The following KCNH1 variants were observed in gnomAD, a reference collection of about 807,000 sequenced individuals.
KCNH1 encodes the protein potassium voltage-gated channel subfamily H member 1.
KCNH1 carries 27 observed loss-of-function variants against 69.2 expected under a neutral mutation model. That is an observed-to-expected ratio of 0.39 (90% confidence interval 0.29 to 0.54). KCNH1 has a LOEUF of 0.54. KCNH1 is among the 20% of genes least tolerant of loss of function. The probability of loss-of-function intolerance (pLI) is 0.68; values close to 1 mark genes in which losing one functional copy is unlikely to be tolerated. For synonymous variants in KCNH1, 456 were observed against 487.7 expected (o/e 0.93, Z 0.86); for missense variants, 798 against 1,261.6 (o/e 0.63, Z 5.57).
At chr1:211,093,959 C>A (rs1691100989) in intron 3 of KCNH1, among the ~76,000 whole-genome samples, 1 of 152,212 alleles carries the variant, frequency 6.6e-6, no homozygotes, top group Non-Finnish European at 1.5e-5. Flanking sequence ...CTGTGACTTG[C>A]AGGTAACTCT....
chr1:210,771,912 C>G (rs1683760829), intron 10 of KCNH1, among the ~76,000 whole-genome samples: 1 of 152,208 alleles, frequency 6.6e-6, no homozygotes, highest in South Asian at 2.1e-4. Context: ...CCTCTTTCAT[C>G]CTTGTCTGTG....
chr1:210,726,263 G>C (rs547024650), intron 10 of KCNH1, among the ~76,000 whole-genome samples: 3 of 152,280 alleles, frequency 2.0e-5, no homozygotes, highest in South Asian at 4.1e-4. Flanking sequence ...GTTATTTGGT[G>C]ACTCGCTGAT....
chr1:211,059,891 A>G (rs532340153), intron 5 of KCNH1, among the ~76,000 whole-genome samples: 122 of 152,306 alleles, frequency 8.0e-4, no homozygotes, highest in African/African-American at 2.8e-3. Flanking sequence ...AGACCTAACA[A>G]ATGTTTACAA....
At chr1:210,920,847 AT>A (rs1477523832) in intron 6 of KCNH1, among the ~76,000 whole-genome samples, 2 of 152,188 alleles carry the variant, frequency 1.3e-5, no homozygotes, top group Non-Finnish European at 2.9e-5. Context: ...CTTAAATACA[AT>A]CAGTCAAGGA....
At chr1:210,926,170 G>A (rs143871549) in intron 6 of KCNH1, among the ~76,000 whole-genome samples, 1,622 of 152,268 alleles carry the variant, frequency 0.011, 34 homozygotes, top group African/African-American at 0.037. Flanking sequence ...TGAGGCAGGA[G>A]AATCACTTGA....
rs1681460169 is a variant in KCNH1, at chr1:210,688,685, C to CT, written c.2113-4548dup. Among the ~76,000 whole-genome samples the CT allele has an allele frequency of 3.9e-5, 6 of 152,318 alleles. No homozygotes were observed. In the South Asian group the frequency reaches 1.2e-3, roughly 32 times the overall value. On this transcript the variant is annotated intron_variant, in intron 10 of 10. Transcript: ENST00000271751. ...CCTGGCTGATTTTATTTTTTGAACT[C>CT]TTACATGAGCTCAGAGAGCTGACAT...
rs143517300 is a variant in KCNH1 at position 210,997,621 on chromosome 1, A to C, written c.1032+21162T>G. On this transcript the variant is annotated intron_variant, in intron 6 of 10. Coordinates refer to ENST00000271751, the MANE Select transcript of KCNH1 (RefSeq NM_172362.3). ...TTATCCAGGAGAACTTCCCCAATTTAGCACGACAGGCCAACATGCAGATTC... is the reference window on the plus strand; with the variant it reads ...TTATCCAGGAGAACTTCCCCAATTTCGCACGACAGGCCAACATGCAGATTC... Among the ~76,000 whole-genome samples the C allele has an allele frequency of 3.4e-3, 521 of 152,378 alleles. 3 individuals carry two copies. The highest frequency in any genetic ancestry group is 6.8e-3 in the Middle Eastern group (2 of 294).
In KCNH1 at chr1:210,738,121, T is replaced by A. The variant is rs778040286; in HGVS notation, c.2112+37227A>T. On this transcript the variant is annotated intron_variant, in intron 10 of 10. Coordinates refer to ENST00000271751, the MANE Select transcript of KCNH1 (RefSeq NM_172362.3). The stretch of plus-strand genomic sequence containing the variant: ...CTCTCATTCACTCCCCCCGCAACCA[T>A]ATTGGTCTCTTTGCTTCCCCTCAGA... Among the ~76,000 whole-genome samples, 406 of 152,240 alleles carry A rather than the reference T, an allele frequency of 2.7e-3. 8 individuals carry two copies. The highest frequency in any genetic ancestry group is 1.8e-3 in the Non-Finnish European group (122 of 68,018).
At position 210,847,773 on chromosome 1, in the gene KCNH1, T is replaced by C. The variant is rs183187958; in HGVS notation, c.1463-43607A>G. Among the ~76,000 whole-genome samples, 3 of 151,198 alleles carry C rather than the reference T, an allele frequency of 2.0e-5. No individual in the cohort carries two copies. In the East Asian group the frequency reaches 5.8e-4, roughly 29 times the overall value. ...AAATAAATAAATAAAAATAAAGATATAATTGACATGTTAAATCTACAGAAT... is the reference window on the plus strand; with the variant it reads ...AAATAAATAAATAAAAATAAAGATACAATTGACATGTTAAATCTACAGAAT... On this transcript the variant is annotated intron_variant, in intron 7 of 10. Coordinates refer to ENST00000271751, the MANE Select transcript of KCNH1 (RefSeq NM_172362.3).
chr1:211,041,411 G>T (rs1284357483), intron 5 of KCNH1, among the ~76,000 whole-genome samples: 13 of 152,124 alleles, frequency 8.5e-5, no homozygotes, highest in Admixed American at 8.5e-4. Flanking sequence ...ATCACAGGGA[G>T]TTCTGTTGCT....
intron 7 of KCNH1, among the ~76,000 whole-genome samples, chr1:210,847,880 A>T (rs1685595770): frequency 6.6e-6 from 1 of 152,200 alleles, no homozygotes; most frequent in African/African-American, 2.4e-5. Context: ...GCAAAATTAG[A>T]TAGAATGTAA....
At chr1:210,972,709 C>A (rs1439613783) in intron 6 of KCNH1, among the ~76,000 whole-genome samples, 1 of 152,034 alleles carries the variant, frequency 6.6e-6, no homozygotes, top group Non-Finnish European at 1.5e-5. Flanking sequence ...TGGAAAAAGT[C>A]TATATCTACT....
chr1:210,892,550 T>C (rs1037457941), intron 7 of KCNH1, among the ~76,000 whole-genome samples: 3 of 152,110 alleles, frequency 2.0e-5, no homozygotes, highest in African/African-American at 7.2e-5. Flanking sequence ...AAAAAACACA[T>C]TTATCTATGT....
At chr1:210,847,552 G>A (rs1209028642) in intron 7 of KCNH1, among the ~76,000 whole-genome samples, 3 of 148,588 alleles carry the variant, frequency 2.0e-5, no homozygotes, top group Non-Finnish European at 4.5e-5. Flanking sequence ...AAGACAGTAA[G>A]GAGAACATCA....
rs755807166 is a variant in KCNH1, at chr1:210,683,575, G to T, written c.2676C>A (p.Asp892Glu). Residue 892 changes from aspartate (D) to glutamate (E), a missense_variant, in exon 11 of 11, where the codon GAC becomes GAA. Coordinates refer to ENST00000271751, the MANE Select transcript of KCNH1 (RefSeq NM_172362.3). The surrounding 1 kb of genome is among the most constrained non-coding windows in gnomAD (Gnocchi z 5.7). ...GGGGACTCCTGGCCTCACCCACGTT[G>T]TCCAGGCGCAAGTCGCTCTTGGTGA... ...SGITKSDLRL[D>E]NVGEARSPQD... is the part of the protein sequence containing the mutation. 4.3e-6 allele frequency: 7 copies of T among 1,614,016 alleles called. No individual in the cohort carries two copies. The highest frequency in any genetic ancestry group is 2.7e-5 in the African/African-American group (2 of 74,916).
chr1:210,933,302 G>A (rs1033538281), intron 6 of KCNH1, among the ~76,000 whole-genome samples: 2 of 148,992 alleles, frequency 1.3e-5, no homozygotes, highest in Non-Finnish European at 3.0e-5. Flanking sequence ...TCATAGGTGG[G>A]AATTGAACAA....
At chr1:210,980,155 A>G (rs1280950436) in intron 6 of KCNH1, among the ~76,000 whole-genome samples, 2 of 152,192 alleles carry the variant, frequency 1.3e-5, no homozygotes. Context: ...ACTGTAGTCC[A>G]AGCTTTGTCT....
chr1:210,801,293 C>T (rs1392085954), intron 8 of KCNH1, among the ~76,000 whole-genome samples: 1 of 152,328 alleles, frequency 6.6e-6, no homozygotes, highest in East Asian at 1.9e-4. Context: ...CATGCCCTGG[C>T]TCCCTGGTTA....
At chr1:211,005,185 T>C (rs530103418) in intron 6 of KCNH1, among the ~76,000 whole-genome samples, 9 of 152,110 alleles carry the variant, frequency 5.9e-5, no homozygotes, top group Non-Finnish European at 8.8e-5. Context: ...TTAAGTACAA[T>C]AGAAATATTT....
Sources: allele counts gnomAD v4.1 joint callset (sites outside exome capture counted in the v4.1 genomes callset), GRCh38; gene constraint gnomAD v4.1.1; non-coding constraint Gnocchi (gnomAD v3.1); transcripts MANE v1.5; gene names NCBI Gene and HGNC (gene_info 2026-07-23, HGNC 2026-07-21).